Variants in DUSP22 observed in about 807,000 individuals in gnomAD.
DUSP22 encodes the protein dual specificity phosphatase 22, also known as dual specificity protein phosphatase 22.
A neutral mutation model predicts 24.5 loss-of-function variants in DUSP22; 24 were observed. That is an observed-to-expected ratio of 0.98 (90% confidence interval 0.71 to 1.38). The LOEUF (loss-of-function observed/expected upper bound fraction) is 1.38. Ranked by LOEUF, DUSP22 falls within the 40% of genes most tolerant of loss-of-function variation. DUSP22 has a pLI of 0.00. For missense variants in DUSP22, 330 were observed against 269.2 expected, an observed-to-expected ratio of 1.23 and a Z score of -1.58; for synonymous variants, 160 against 106.4, an observed-to-expected ratio of 1.50 and a Z score of -3.10.
chr6:303,846 G>T lies in DUSP22; in HGVS notation c.22-782G>T, dbSNP rs543205546. Among the ~76,000 whole-genome samples, 16 of 152,412 alleles carry T rather than the reference G, an allele frequency of 1.0e-4. No individual in the cohort carries two copies. In the South Asian group the frequency reaches 3.3e-3, roughly 32 times the overall value. On this transcript the variant is annotated intron_variant, in intron 1 of 6. Transcript: ENST00000419235. ...GACCTGCTAAATCATTCCATGCGGGGGCTGGAGGTGGAGAGGAGGGCTTGC... is the reference window on the plus strand; with the variant it reads ...GACCTGCTAAATCATTCCATGCGGGTGCTGGAGGTGGAGAGGAGGGCTTGC...
At chr6:311,024 G>A (rs796705049) in intron 2 of DUSP22, among the ~76,000 whole-genome samples, 33 of 152,418 alleles carry the variant, frequency 2.2e-4, no homozygotes, top group African/African-American at 7.5e-4. Flanking sequence ...TTGCCTTGGG[G>A]AGTGCCCCGG....
At chr6:300,958 C>A (rs1757555245) in intron 1 of DUSP22, among the ~76,000 whole-genome samples, 1 of 152,302 alleles carries the variant, frequency 6.6e-6, no homozygotes, top group Admixed American at 6.5e-5. Context: ...GATGCTACAG[C>A]CAGTGGACAC....
chr6:345,981 T>G, intron 5 of DUSP22, 53 bp downstream of exon 5: 1 of 1,604,080 alleles, frequency 6.2e-7, no homozygotes, highest in Non-Finnish European at 8.5e-7. Context: ...TCGGCTTGGC[T>G]TCCCATCAAG....
At chr6:326,376 G>GGA (rs200980683) in intron 3 of DUSP22, among the ~76,000 whole-genome samples, 6 of 131,946 alleles carry the variant, frequency 4.5e-5, no homozygotes, top group Admixed American at 1.7e-4. Context: ...GCTGGTGCCT[G>GGA]GAGTCATCTG....
At chr6:345,807 A>G in intron 4 of DUSP22, 47 bp from the exon 5 acceptor site, 1 of 1,603,104 alleles carries the variant, frequency 6.2e-7, no homozygotes, top group Non-Finnish European at 8.5e-7. Context: ...TTCATCATAT[A>G]TTGAGTAAAG....
At chr6:335,903 A>G (rs924193189) in intron 4 of DUSP22, among the ~76,000 whole-genome samples, 1 of 152,308 alleles carries the variant, frequency 6.6e-6, no homozygotes, top group African/African-American at 2.4e-5. Context: ...TCATAGCAGA[A>G]TAAACCTTTG....
chr6:310,344 C>T (rs1758021163), intron 2 of DUSP22, among the ~76,000 whole-genome samples: 1 of 152,300 alleles, frequency 6.6e-6, no homozygotes, highest in Admixed American at 6.5e-5. Flanking sequence ...GGAAGTGGAC[C>T]TCCTCATTTC....
chr6:328,148 G>T (rs1451180077), intron 3 of DUSP22, among the ~76,000 whole-genome samples: 1 of 152,296 alleles, frequency 6.6e-6, no homozygotes, highest in African/African-American at 2.4e-5. Flanking sequence ...TTTGAGATGG[G>T]TTGTTCAGGC....
chr6:309,358 G>A (rs1467745331), intron 2 of DUSP22, among the ~76,000 whole-genome samples: 1 of 152,304 alleles, frequency 6.6e-6, no homozygotes, highest in East Asian at 1.9e-4. Context: ...CAAAAGATGA[G>A]CCAGTCAGAA....
intron 4 of DUSP22, among the ~76,000 whole-genome samples, chr6:339,693 GAGA>G (rs1352870992): frequency 2.6e-5 from 4 of 152,292 alleles, no homozygotes; most frequent in Non-Finnish European, 4.4e-5. Context: ...TTTTTGTGGG[GAGA>G]AGAAGCTTTA....
Position 350,585 on chromosome 6 carries a change from T to C in DUSP22, c.*1634T>C. On this transcript the variant is annotated 3_prime_UTR_variant, in exon 7 of 7. Coordinates refer to ENST00000419235, the MANE Select transcript of DUSP22 (RefSeq NM_001286555.3). Reference sequence around the variant, plus strand: ...TCCGCGCAGGTGCACAGGCCCCGGATGTACACCCGGAAAGGGGAGTGTGGC... The same window carrying C: ...TCCGCGCAGGTGCACAGGCCCCGGACGTACACCCGGAAAGGGGAGTGTGGC... 3.5e-6 allele frequency: 5 copies of C among 1,419,510 alleles called. No individual in the cohort carries two copies. The highest frequency in any genetic ancestry group is 4.6e-6 in the Non-Finnish European group (5 of 1,090,888). 87.9% of individuals were successfully genotyped at this position (1,419,510 alleles called of 1,614,324 possible).
intron 3 of DUSP22, among the ~76,000 whole-genome samples, chr6:316,179 C>T (rs1226877219): frequency 6.6e-6 from 1 of 152,300 alleles, no homozygotes; most frequent in Non-Finnish European, 1.5e-5. Context: ...GGCTGGTTCT[C>T]ACATCATCTG....
At chr6:333,740 A>ACCTGCCCCG (rs1315110302) in intron 3 of DUSP22, among the ~76,000 whole-genome samples, 1 of 152,254 alleles carries the variant, frequency 6.6e-6, no homozygotes, top group African/African-American at 2.4e-5. Flanking sequence ...CCCCTGCCCC[A>ACCTGCCCCG]CCTGCCCCGC....
At chr6:292,638 G>C (rs1757140991) in intron 1 of DUSP22, 78 bp downstream of exon 1, 7 of 1,540,526 alleles carry the variant, frequency 4.5e-6, no homozygotes, top group Non-Finnish European at 6.1e-6. Context: ...GCTGCCCGAC[G>C]ACTCGAGCCC....
intron 3 of DUSP22, among the ~76,000 whole-genome samples, chr6:317,262 C>T (rs1035520852): frequency 6.6e-5 from 10 of 152,416 alleles, no homozygotes; most frequent in East Asian, 1.9e-4. Flanking sequence ...CCAGCGGCCA[C>T]GTGGGCCTGA....
chr6:298,489 TA>T (rs371735753), intron 1 of DUSP22, among the ~76,000 whole-genome samples: 6 of 152,424 alleles, frequency 3.9e-5, no homozygotes, highest in African/African-American at 1.4e-4. Flanking sequence ...CCTGAAGGAC[TA>T]AAATAAATGT....
At chr6:329,801 G>A (rs1242170833) in intron 3 of DUSP22, among the ~76,000 whole-genome samples, 1 of 152,308 alleles carries the variant, frequency 6.6e-6, no homozygotes, top group Non-Finnish European at 1.5e-5. Flanking sequence ...TATAGAGAGA[G>A]GCTGTCTCCA....
chr6:323,573 G>A (rs953255527), intron 3 of DUSP22, among the ~76,000 whole-genome samples: 4 of 152,310 alleles, frequency 2.6e-5, no homozygotes, highest in Non-Finnish European at 5.9e-5. Context: ...CTCCTTCCGT[G>A]AGAGGTGCAG....
chr6:350,534 G>T lies in DUSP22; in HGVS notation c.*1583G>T, dbSNP rs1760148085. ...GTGTGTCAAAGGTGAGCTTTTTGGG[G>T]ACCGGGAAAAACAAAGTTGCCTGAT... On this transcript the variant is annotated 3_prime_UTR_variant, in exon 7 of 7. Transcript: ENST00000419235. 1 of 1,337,130 alleles carries T rather than the reference G, an allele frequency of 7.5e-7. No individual in the cohort carries two copies. Among genetic ancestry groups the T allele is most frequent in the African/African-American group, 1.5e-5 (1 of 67,996 alleles). 82.8% of individuals were successfully genotyped at this position (1,337,130 alleles called of 1,614,324 possible). A position where few individuals can be genotyped will look rare whatever the true frequency, so the allele number is the denominator to read the frequency against.
Sources: gnomAD v4.1 joint callset for allele counts (sites outside exome capture counted in the v4.1 genomes callset) on GRCh38, gnomAD v4.1.1 for gene constraint, MANE v1.5 for transcripts, NCBI Gene and HGNC (gene_info 2026-07-23, HGNC 2026-07-21) for gene names.